The following NR4A1 variants were observed in gnomAD, a reference collection of about 807,000 sequenced individuals.
NR4A1 encodes nuclear receptor subfamily 4 group A member 1.
In NR4A1, 24 loss-of-function variants were observed where a neutral mutation model predicts 47.5. That is an observed-to-expected ratio of 0.50 (90% confidence interval 0.37 to 0.71). NR4A1 has a LOEUF of 0.71. Ranked by LOEUF, NR4A1 falls within the 30% of genes least tolerant of loss-of-function variation. The pLI is 0.00. For synonymous variants in NR4A1, 353 were observed against 345.7 expected, an observed-to-expected ratio of 1.02 and a Z score of -0.24; for missense variants, 669 against 788.6, an observed-to-expected ratio of 0.85 and a Z score of 1.82.
intron 1 of NR4A1, among the ~76,000 whole-genome samples, chr12:52,039,746 A>G (rs1938368908): frequency 6.6e-6 from 1 of 152,260 alleles, no homozygotes; most frequent in East Asian, 1.9e-4. Context: ...GTGATAAACC[A>G]GTGAACAGAT....
At chr12:52,026,746 G>A (rs946883163) in intron 1 of NR4A1, among the ~76,000 whole-genome samples, 14 of 152,092 alleles carry the variant, frequency 9.2e-5, no homozygotes, top group Admixed American at 3.3e-4. Context: ...GATGTACAAA[G>A]CCCGCCTAAA....
rs746803151 is a variant in NR4A1 at position 52,054,469 on chromosome 12, C to T, written c.141C>T (p.Pro47=). The change falls in exon 2 of 7, where the codon CCC becomes CCT. Residue 47 remains proline, a synonymous_variant. Transcript: ENST00000394825. ...LASPEAAPAA[P]TALPSFSTFM... is the part of the protein sequence containing the mutation. ...GCCCCGAGGCAGCCCCCGCTGCCCC[C>T]ACTGCCCTGCCCAGCTTCAGCACCT... The T allele has an allele frequency of 3.7e-6, 6 of 1,613,782 alleles. No individual in the cohort carries two copies. In the East Asian group the frequency reaches 1.3e-4, roughly 36 times the overall value.
chr12:52,054,017 C>G (rs1187021077), intron 1 of NR4A1: 1 of 351,126 alleles, frequency 2.8e-6, no homozygotes, highest in Admixed American at 4.4e-5. Flanking sequence ...ACAGCTTCCC[C>G]CTGTTCTAGC....
chr12:52,026,307 T>C (rs1937998752), intron 1 of NR4A1, among the ~76,000 whole-genome samples: 1 of 152,224 alleles, frequency 6.6e-6, no homozygotes, highest in South Asian at 2.1e-4. Context: ...TAAAGGAAAT[T>C]GCAAGGCTAA....
chr12:52,054,853 G>A lies in NR4A1; in HGVS notation c.525G>A (p.Glu175=). The A allele has an allele frequency of 6.2e-7, 1 of 1,613,970 alleles. No individual in the cohort carries two copies. The highest frequency in any genetic ancestry group is 8.5e-7 in the Non-Finnish European group (1 of 1,180,018). ...ACGAAGGCCTGCGGGCATGGACAGA[G>A]CAGCTGCCCAAAGCCTCTGGGCCCC... is the stretch of plus-strand genomic sequence containing the variant. ...QTYEGLRAWT[E]QLPKASGPPQ... Residue 175 remains glutamate (E), a synonymous_variant, in exon 2 of 7, where the codon GAG becomes GAA. Transcript: ENST00000394825.
chr12:52,042,985 G>T (rs1938494392), intron 2 of NR4A1, among the ~76,000 whole-genome samples: 1 of 152,206 alleles, frequency 6.6e-6, no homozygotes, highest in Non-Finnish European at 1.5e-5. Flanking sequence ...GTTGCCTCAT[G>T]GGGGGTCAGC....
chr12:52,032,746 T>C (rs1230665476), intron 1 of NR4A1, among the ~76,000 whole-genome samples: 2 of 152,172 alleles, frequency 1.3e-5, no homozygotes, highest in Non-Finnish European at 2.9e-5. Flanking sequence ...TTGACCTAAA[T>C]AGTTTTTGCA....
At chr12:52,031,778 ATTTTT>A (rs61279135) in intron 1 of NR4A1, among the ~76,000 whole-genome samples, 8 of 125,872 alleles carry the variant, frequency 6.4e-5, no homozygotes, top group African/African-American at 2.2e-4. Context: ...GTGATGGTTA[ATTTTT>A]TTTTTTTTTT....
chr12:52,056,088 A>G lies in NR4A1; in HGVS notation c.935A>G (p.Asp312Gly). The G allele has an allele frequency of 6.2e-7, 1 of 1,609,490 alleles. No homozygotes were observed. The highest frequency in any genetic ancestry group is 8.5e-7 in the Non-Finnish European group (1 of 1,178,030). ...CTGGCTAACAAGGACTGCCCTGTGG[A>G]CAAGAGGCGGCGAAACCGCTGCCAG... The part of the protein sequence containing the change: ...ICLANKDCPV[D>G]KRRRNRCQFC... The change falls in exon 3 of 7, where the codon GAC (aspartate) becomes GGC (glycine). Residue 312 changes from aspartate (D) to glycine (G), a missense_variant. Asp to Gly is a moderately conservative substitution (Grantham distance 94). Transcript: ENST00000394825.
At chr12:52,048,319 G>A (rs1938748843), upstream of NR4A1, among the ~76,000 whole-genome samples, 4 of 151,708 alleles carry the variant, frequency 2.6e-5, no homozygotes. Context: ...TTTTGGCCGG[G>A]TACAGTGGCT....
chr12:52,034,404 C>T (rs768575187), intron 1 of NR4A1, among the ~76,000 whole-genome samples: 1 of 152,256 alleles, frequency 6.6e-6, no homozygotes, highest in Non-Finnish European at 1.5e-5. Context: ...CTAGGAACCT[C>T]CCACAATGTG....
chr12:52,031,308 G>A (rs1425075305), intron 1 of NR4A1, among the ~76,000 whole-genome samples: 1 of 151,640 alleles, frequency 6.6e-6, no homozygotes, highest in African/African-American at 2.4e-5. Flanking sequence ...TTACAGGCAT[G>A]AGCCTCCAGT....
chr12:52,036,309 C>G (rs1323424338), intron 1 of NR4A1, among the ~76,000 whole-genome samples: 1 of 152,072 alleles, frequency 6.6e-6, no homozygotes, highest in Non-Finnish European at 1.5e-5. Context: ...GGCCTGAAGA[C>G]TCTGGTCAGA....
intron 2 of NR4A1, chr12:52,043,435 C>T (rs1254926249): frequency 3.5e-5 from 8 of 226,510 alleles, no homozygotes; most frequent in Non-Finnish European, 7.1e-5. Context: ...GTGGAACTCC[C>T]ATGCCAGATA....
intron 2 of NR4A1, chr12:52,045,622 G>A (rs1938604091): frequency 7.1e-6 from 3 of 423,064 alleles, no homozygotes; most frequent in Non-Finnish European, 1.5e-5. Context: ...CAGTCTTGGA[G>A]AGGACAAGGG....
At chr12:52,056,360 G>A (rs1000430646) in intron 3 of NR4A1, 134 bp from the exon 4 acceptor site, 255 of 1,399,930 alleles carry the variant, frequency 1.8e-4, no homozygotes, top group Non-Finnish European at 2.4e-4. Context: ...GGTTCCTATA[G>A]GGTACCTTGG....
At position 52,030,782 on chromosome 12, in the gene NR4A1, A is replaced by C. The variant is rs550357210; in HGVS notation, c.-84+7843A>C. ...TCAATACTAAAATAGTGCCCACCTT[A>C]GATGGCTGCTGAAAGAAGAGACAAA... On this transcript the variant is annotated intron_variant, in intron 1 of 7. Coordinates refer to the NR4A1 transcript ENST00000360284. 4.7e-4 allele frequency among the ~76,000 whole-genome samples: 72 copies of C among 152,270 alleles called. 1 individual carries two copies. The highest frequency in any genetic ancestry group is 1.7e-3 in the African/African-American group (69 of 41,542).
chr12:52,050,142 C>T (rs1938850797), upstream of NR4A1, among the ~76,000 whole-genome samples: 1 of 152,288 alleles, frequency 6.6e-6, no homozygotes, highest in African/African-American at 2.4e-5. Context: ...TGAGGGCTCC[C>T]CAGGCTCAGG....
intron 1 of NR4A1, among the ~76,000 whole-genome samples, chr12:52,039,564 C>G (rs1453666132): frequency 1.3e-5 from 2 of 152,214 alleles, no homozygotes; most frequent in African/African-American, 4.8e-5. Flanking sequence ...CTGGAATGCT[C>G]TCCCCACCTA....
Sources: allele counts gnomAD v4.1 joint callset (sites outside exome capture counted in the v4.1 genomes callset), GRCh38; gene constraint gnomAD v4.1.1; transcripts MANE v1.5; gene names NCBI Gene and HGNC (gene_info 2026-07-23, HGNC 2026-07-21).